The following GRAMD1C variants were observed in gnomAD, a reference collection of about 807,000 sequenced individuals.
GRAMD1C encodes GRAM domain containing 1C.
GRAMD1C carries 89 observed loss-of-function variants against 97.8 expected under a neutral mutation model. That is an observed-to-expected ratio of 0.91 (90% CI 0.77 to 1.09). GRAMD1C has a LOEUF of 1.09. Among genes scored for constraint, GRAMD1C ranks in the 50% least tolerant of loss-of-function variants. The pLI, the probability that GRAMD1C is intolerant of heterozygous loss-of-function variation, is 0.00. For missense variants in GRAMD1C, 740 were observed against 766.4 expected (o/e 0.97, Z 0.41); for synonymous variants, 256 against 267.0 (o/e 0.96, Z 0.40).
chr3:113,846,257 T>TC (rs970739114), intron 2 of GRAMD1C, among the ~76,000 whole-genome samples: 4 of 151,952 alleles, frequency 2.6e-5, no homozygotes, highest in Non-Finnish European at 5.9e-5. Flanking sequence ...CAAGCACCTG[T>TC]CACCACACCC....
chr3:113,888,093 T>G (rs928069731), intron 6 of GRAMD1C, among the ~76,000 whole-genome samples: 4 of 152,064 alleles, frequency 2.6e-5, no homozygotes, highest in Non-Finnish European at 1.5e-5. Flanking sequence ...CACCCAGTAT[T>G]CTAAAAATAG....
At position 113,940,312 on chromosome 3, in the gene GRAMD1C, A is replaced by G. The variant is rs771793247; in HGVS notation, c.1875A>G (p.Gly625=). The G allele has an allele frequency of 1.9e-6, 3 of 1,604,744 alleles. No individual in the cohort carries two copies. The highest frequency in any genetic ancestry group is 1.1e-5 in the South Asian group (1 of 90,898). Residue 625 remains glycine, a synonymous_variant, in exon 17 of 18, where the codon GGA becomes GGG. Transcript: ENST00000358160. The part of the protein sequence containing the change: ...KNKDQAHRLK[G]VLRDSIVMLE... ...AAGATCAGGCCCATCGTTTAAAGGG[A>G]GTGCTCCGAGACTCCATAGTGATGC... is the stretch of plus-strand genomic sequence containing the variant.
In GRAMD1C at chr3:113,913,178, C is replaced by T. The variant is rs1280348047; in HGVS notation, c.953-2523C>T. On this transcript the variant is annotated intron_variant, in intron 9 of 17. Transcript: ENST00000358160. ...CCAAATAGGTAAGTAGCACCAAAACCAGGATTTTTGTTTTCTCTTTCTCAC... is the reference window on the plus strand; with the variant it reads ...CCAAATAGGTAAGTAGCACCAAAACTAGGATTTTTGTTTTCTCTTTCTCAC... 5 of 995,794 alleles carry T rather than the reference C, an allele frequency of 5.0e-6. 1 individual carries two copies. The highest frequency in any genetic ancestry group is 2.7e-5 in the South Asian group (2 of 74,114). The allele number at this position is 995,794 out of a possible 1,614,324, so 61.7% of individuals were successfully genotyped here. A position where few individuals can be genotyped will look rare whatever the true frequency, so the allele number is the denominator to read the frequency against.
At chr3:113,932,900 T>TTG (rs1371689079) in intron 11 of GRAMD1C, among the ~76,000 whole-genome samples, 10 of 151,312 alleles carry the variant, frequency 6.6e-5, no homozygotes, top group African/African-American at 2.4e-4. Flanking sequence ...TTTTTTTTTT[T>TTG]GAGACAGAGT....
intron 17 of GRAMD1C, among the ~76,000 whole-genome samples, chr3:113,943,883 C>T (rs1937932365): frequency 2.0e-5 from 3 of 152,152 alleles, no homozygotes; most frequent in Admixed American, 6.5e-5. Flanking sequence ...TACTGCACTC[C>T]AGCCTGGGTG....
chr3:113,850,779 ATT>A, intron 2 of GRAMD1C: 1 of 836,722 alleles, frequency 1.2e-6, no homozygotes, highest in Non-Finnish European at 1.7e-6. Context: ...GATATACTTA[ATT>A]TTTTTTTTAT....
intron 10 of GRAMD1C, among the ~76,000 whole-genome samples, chr3:113,923,678 T>C (rs941389581): frequency 6.6e-6 from 1 of 152,224 alleles, no homozygotes; most frequent in African/African-American, 2.4e-5. Context: ...GCTAGTATTT[T>C]GTTGAGGATT....
chr3:113,887,557 G>A (rs1022100252), intron 6 of GRAMD1C, among the ~76,000 whole-genome samples: 4 of 151,698 alleles, frequency 2.6e-5, no homozygotes, highest in South Asian at 2.1e-4. Context: ...AAAATTAGCC[G>A]GGCATGGTGG....
chr3:113,841,967 G>C (rs1001035666), intron 1 of GRAMD1C, among the ~76,000 whole-genome samples: 5 of 152,076 alleles, frequency 3.3e-5, no homozygotes, highest in Non-Finnish European at 5.9e-5. Flanking sequence ...CAAAATGTTG[G>C]GATTATACGT....
rs1237365380 is a variant in GRAMD1C at position 113,844,522 on chromosome 3, C to G, written c.47C>G (p.Ser16Ter). 2.5e-6 allele frequency: 4 copies of G among 1,603,124 alleles called. No individual in the cohort carries two copies. Among genetic ancestry groups the G allele is most frequent in the Non-Finnish European group, 3.4e-6 (4 of 1,172,202 alleles). Residue 16 changes from serine to a stop codon, truncating the protein, a stop_gained, in exon 2 of 18, where the codon TCA becomes TGA. Transcript: ENST00000358160. LOFTEE classifies it high-confidence loss of function. Reference sequence around the variant, plus strand: ...TTCCAGGTGATGAATGAAGGGGATTCAAGCCTTGCCACCGACTTACAGGAA... The same window carrying G: ...TTCCAGGTGATGAATGAAGGGGATTGAAGCCTTGCCACCGACTTACAGGAA... ...TVRQVMNEGD[S>*]SLATDLQEDV... is the part of the protein sequence containing the mutation.
At chr3:113,888,970 G>A (rs950956201) in intron 6 of GRAMD1C, among the ~76,000 whole-genome samples, 1 of 152,182 alleles carries the variant, frequency 6.6e-6, no homozygotes, top group African/African-American at 2.4e-5. Context: ...GGAGGCTGAG[G>A]CGGACAGGTC....
chr3:113,910,709 G>A (rs1936536179), intron 9 of GRAMD1C, among the ~76,000 whole-genome samples: 1 of 152,128 alleles, frequency 6.6e-6, no homozygotes, highest in Non-Finnish European at 1.5e-5. Flanking sequence ...AAAGTCAACG[G>A]ATGTGGGTAT....
chr3:113,911,703 C>CCTTCCTTCCTTCTTTCT (rs1553723608), intron 9 of GRAMD1C, among the ~76,000 whole-genome samples: 34,263 of 122,244 alleles, frequency 0.28, 7,226 homozygotes, highest in African/African-American at 0.43. Context: ...TTCTTTCCTT[C>CCTTCCTTCCTTCTTTCT]CTTCCTTCCT....
intron 10 of GRAMD1C, among the ~76,000 whole-genome samples, chr3:113,925,998 T>C (rs1439512437): frequency 6.6e-6 from 1 of 152,246 alleles, no homozygotes; most frequent in African/African-American, 2.4e-5. Flanking sequence ...TTGTTTCACG[T>C]TGACCTTGGA....
intron 3 of GRAMD1C, among the ~76,000 whole-genome samples, chr3:113,873,883 A>C (rs889111233): frequency 6.6e-6 from 1 of 152,150 alleles, no homozygotes; most frequent in African/African-American, 2.4e-5. Context: ...CATTGAATTG[A>C]TAAAATGGTT....
At chr3:113,860,796 C>T (rs1034634969) in intron 2 of GRAMD1C, among the ~76,000 whole-genome samples, 8 of 151,820 alleles carry the variant, frequency 5.3e-5, no homozygotes, top group African/African-American at 1.7e-4. Context: ...TGAAAGCTGT[C>T]TCTATTAAAA....
chr3:113,872,391 C>CTTTTTTTTTTTTTTTTTTTT (rs777339692), intron 3 of GRAMD1C, among the ~76,000 whole-genome samples: 1 of 117,440 alleles, frequency 8.5e-6, no homozygotes. Context: ...TCTTTTTTTT[C>CTTTTTTTTTTTTTTTTTTTT]TTTTTTTTTT....
chr3:113,862,615 A>G (rs1934425953), intron 2 of GRAMD1C, among the ~76,000 whole-genome samples: 1 of 152,144 alleles, frequency 6.6e-6, no homozygotes, highest in South Asian at 2.1e-4. Context: ...GGTGACATAC[A>G]TCCTCCTCAG....
intron 9 of GRAMD1C, among the ~76,000 whole-genome samples, chr3:113,913,992 A>G (rs894319365): frequency 1.3e-5 from 2 of 152,352 alleles, no homozygotes; most frequent in Non-Finnish European, 2.9e-5. Context: ...TTGATCTACT[A>G]TAGTAAGCAG....
Sources: gnomAD v4.1 joint callset for allele counts (sites outside exome capture counted in the v4.1 genomes callset) on GRCh38, gnomAD v4.1.1 for gene constraint, MANE v1.5 for transcripts, NCBI Gene and HGNC (gene_info 2026-07-23, HGNC 2026-07-21) for gene names.